The following PPP2R3A variants were observed in gnomAD, a reference collection of about 807,000 sequenced individuals.
The protein encoded by PPP2R3A is protein phosphatase 2 regulatory subunit B''alpha, also known as serine/threonine-protein phosphatase 2A regulatory subunit B'' subunit alpha.
In PPP2R3A, 80 loss-of-function variants were observed where a neutral mutation model predicts 106.9. That is an observed-to-expected ratio of 0.75 (90% CI 0.62 to 0.90). PPP2R3A has a LOEUF of 0.90. Ranked by LOEUF, PPP2R3A falls within the 40% of genes least tolerant of loss-of-function variation. The pLI is 0.00. For missense variants in PPP2R3A, 1,386 were observed against 1,350.4 expected (o/e 1.03, Z -0.41); for synonymous variants, 483 against 468.3 (o/e 1.03, Z -0.41).
intron 13 of PPP2R3A, among the ~76,000 whole-genome samples, chr3:136,115,523 A>G (rs144718159): frequency 6.6e-5 from 10 of 152,104 alleles, no homozygotes; most frequent in Admixed American, 2.0e-4. Context: ...ATGAATTGCT[A>G]ACTAGAATAA....
At chr3:136,069,119 G>A (rs559825289) in intron 5 of PPP2R3A, among the ~76,000 whole-genome samples, 1 of 152,180 alleles carries the variant, frequency 6.6e-6, no homozygotes, top group Non-Finnish European at 1.5e-5. Flanking sequence ...AAAGACATTA[G>A]TGGAAAAACT....
In PPP2R3A at chr3:136,146,729, G is replaced by A. The variant is rs1415461658; in HGVS notation, c.*1563G>A. On this transcript the variant is annotated 3_prime_UTR_variant, in exon 14 of 14. Coordinates refer to ENST00000264977, the MANE Select transcript of PPP2R3A (RefSeq NM_002718.5). ...TTAAAAGCTTAAAAATAATTTTTAG[G>A]AAACACAATATTCAAAATCTAAACA... The A allele has an allele frequency of 1.3e-5, 2 of 151,804 alleles. No homozygotes were observed. The highest frequency in any genetic ancestry group is 2.9e-5 in the Non-Finnish European group (2 of 67,962). The allele number at this position is 151,804 out of a possible 1,614,324, so 9.4% of individuals were successfully genotyped here. A position where few individuals can be genotyped will look rare whatever the true frequency, so the allele number is the denominator to read the frequency against.
At position 136,049,338 on chromosome 3, in the gene PPP2R3A, G is replaced by T; in HGVS notation, c.2446G>T (p.Glu816Ter). ...GCCCAACTGCAGCTCTCTAGAACAG[G>T]AGGATTTCATCCCTCTACTTCAGGT... ...AKPNCSSLEQ[E>*]DFIPLLQDVV... Residue 816 changes from glutamate to a stop codon, truncating the protein, a stop_gained, in exon 5 of 14, where the codon GAG (glutamate) becomes TAG (stop). Transcript: ENST00000264977. LOFTEE classifies it high-confidence loss of function. 1 of 1,612,682 alleles carries T rather than the reference G, an allele frequency of 6.2e-7. No homozygotes were observed. The highest frequency in any genetic ancestry group is 8.5e-7 in the Non-Finnish European group (1 of 1,179,188).
intron 5 of PPP2R3A, among the ~76,000 whole-genome samples, chr3:136,068,201 G>A (rs1936319738): frequency 6.6e-6 from 1 of 152,166 alleles, no homozygotes; most frequent in Non-Finnish European, 1.5e-5. Flanking sequence ...CTGGGTGACA[G>A]AGTAAGACCC....
chr3:136,027,125 A>G (rs761869602), intron 3 of PPP2R3A, 27 bp downstream of exon 3: 2 of 1,582,936 alleles, frequency 1.3e-6, no homozygotes, highest in East Asian at 4.5e-5. Context: ...ATGATTTACA[A>G]TCTCCCCTTC....
chr3:136,021,462 T>G (rs1934463049), intron 2 of PPP2R3A, among the ~76,000 whole-genome samples: 1 of 152,098 alleles, frequency 6.6e-6, no homozygotes, highest in Non-Finnish European at 1.5e-5. Context: ...ATAAGCCTAA[T>G]GTATACATTA....
chr3:136,079,191 T>C (rs1182319453), intron 7 of PPP2R3A: 2 of 455,400 alleles, frequency 4.4e-6, no homozygotes, highest in Non-Finnish European at 8.8e-6. Flanking sequence ...ATGATGGATA[T>C]ACAAACATTT....
At chr3:136,142,776 C>T (rs891006886) in intron 13 of PPP2R3A, among the ~76,000 whole-genome samples, 4 of 152,210 alleles carry the variant, frequency 2.6e-5, no homozygotes, top group African/African-American at 9.7e-5. Flanking sequence ...GAATGAGTCA[C>T]ACTTCACACT....
chr3:136,034,329 C>A (rs746098282), intron 3 of PPP2R3A, among the ~76,000 whole-genome samples: 17 of 152,194 alleles, frequency 1.1e-4, no homozygotes, highest in Non-Finnish European at 2.2e-4. Flanking sequence ...GCCACTGCGC[C>A]CAGCCCAGAC....
At chr3:136,085,240 T>G (rs1936893852) in intron 8 of PPP2R3A, among the ~76,000 whole-genome samples, 1 of 151,888 alleles carries the variant, frequency 6.6e-6, no homozygotes. Context: ...GCTGCTCTCA[T>G]GATAGTGAGT....
chr3:136,079,157 A>G, intron 7 of PPP2R3A: 1 of 455,114 alleles, frequency 2.2e-6, no homozygotes, highest in Non-Finnish European at 4.4e-6. Flanking sequence ...CAGAGTAATG[A>G]AGACTTGGCA....
chr3:136,123,902 T>C (rs1207900758), intron 13 of PPP2R3A, among the ~76,000 whole-genome samples: 1 of 152,206 alleles, frequency 6.6e-6, no homozygotes, highest in East Asian at 1.9e-4. Context: ...ATTTAATCAT[T>C]ATTAGGGCAC....
intron 13 of PPP2R3A, among the ~76,000 whole-genome samples, chr3:136,134,539 G>GA (rs1223635699): frequency 1.3e-5 from 2 of 152,036 alleles, no homozygotes; most frequent in East Asian, 3.9e-4. Flanking sequence ...TAATTTCATA[G>GA]AAAAATCCAG....
chr3:136,003,210 G>T lies in PPP2R3A; in HGVS notation c.1712G>T (p.Cys571Phe). The change falls in exon 2 of 14, where the codon TGT becomes TTT. Residue 571 changes from cysteine (C) to phenylalanine (F), a missense_variant. Cys to Phe is a radical substitution (Grantham distance 205). Transcript: ENST00000264977. ...SSPIEKVSPSCLTRIIETNGH... is the reference protein window; with the variant it reads ...SSPIEKVSPSFLTRIIETNGH... ...CCCATAGAAAAAGTCTCACCTTCCTGTCTAACAAGGATTATTGAAACCAAT... is the reference window on the plus strand; with the variant it reads ...CCCATAGAAAAAGTCTCACCTTCCTTTCTAACAAGGATTATTGAAACCAAT... 1.2e-6 allele frequency: 2 copies of T among 1,613,886 alleles called. No homozygotes were observed. Among genetic ancestry groups the T allele is most frequent in the Non-Finnish European group, 1.7e-6 (2 of 1,179,878 alleles).
rs1213111794 is a variant in PPP2R3A, at chr3:135,999,804, C to T, written c.-440-1255C>T. Among the ~76,000 whole-genome samples the T allele has an allele frequency of 3.3e-5, 5 of 152,056 alleles. No homozygotes were observed. In the South Asian group the frequency reaches 8.3e-4, roughly 25 times the overall value. On this transcript the variant is annotated intron_variant, in intron 1 of 13. Transcript: ENST00000264977. ...TTTATTTTTTTCTGAGATGGAGTCT[C>T]GCTCTGTCACCCAGGCTGGAGTGCA... is the stretch of plus-strand genomic sequence containing the variant.
intron 13 of PPP2R3A, among the ~76,000 whole-genome samples, chr3:136,131,192 G>A (rs1299499970): frequency 6.6e-6 from 1 of 152,178 alleles, no homozygotes; most frequent in South Asian, 2.1e-4. Context: ...CTTCTGCACA[G>A]CAAAAGAAAC....
chr3:136,115,512 G>C (rs1937711332), intron 13 of PPP2R3A, among the ~76,000 whole-genome samples: 2 of 151,938 alleles, frequency 1.3e-5, no homozygotes, highest in African/African-American at 2.4e-5. Flanking sequence ...AAAAAGGGTA[G>C]ATGAATTGCT....
At chr3:136,065,348 T>C (rs1199603771) in intron 5 of PPP2R3A, among the ~76,000 whole-genome samples, 1 of 152,132 alleles carries the variant, frequency 6.6e-6, no homozygotes, top group Non-Finnish European at 1.5e-5. Context: ...TGTAAATGAT[T>C]GGAAAGAAGT....
At chr3:136,091,807 AATATT>A (rs1476225872) in intron 10 of PPP2R3A, among the ~76,000 whole-genome samples, 8 of 152,188 alleles carry the variant, frequency 5.3e-5, no homozygotes, top group Non-Finnish European at 4.4e-5. Context: ...CCCAGAAAAA[AATATT>A]AAAAGTTCAT....
Sources: gnomAD v4.1 joint callset for allele counts (sites outside exome capture counted in the v4.1 genomes callset) on GRCh38, gnomAD v4.1.1 for gene constraint, MANE v1.5 for transcripts, NCBI Gene and HGNC (gene_info 2026-07-23, HGNC 2026-07-21) for gene names.